FAAH2: variants seen among roughly 807,000 people sequenced by gnomAD.
The protein encoded by FAAH2 is fatty acid amide hydrolase 2, also known as fatty-acid amide hydrolase 2.
FAAH2 carries 60 observed loss-of-function variants against 36.9 expected under a neutral mutation model. That is an observed-to-expected ratio of 1.63 (90% CI 1.32 to 2.02). The LOEUF is 2.02. Among genes scored for constraint, FAAH2 ranks in the 30% most tolerant of loss-of-function variants. The pLI is 0.00. For synonymous variants in FAAH2, 214 were observed against 143.8 expected (o/e 1.49, Z -3.49); for missense variants, 689 against 397.5 (o/e 1.73, Z -6.23).
chrX:57,284,378 C>T (rs2051781492), upstream of FAAH2, among the ~76,000 whole-genome samples: 1 of 96,908 alleles, frequency 1.0e-5, no homozygotes, highest in South Asian at 4.6e-4. Context: ...GAATGAGACA[C>T]CATATCATAA....
intron 7 of FAAH2, among the ~76,000 whole-genome samples, chrX:57,428,146 C>A (rs1338696474): frequency 9.0e-6 from 1 of 111,524 alleles, no homozygotes; most frequent in Non-Finnish European, 1.9e-5. Context: ...TTAGCATTTA[C>A]AATAGCTGTA....
intron 7 of FAAH2, chrX:57,394,330 C>G: frequency 8.9e-7 from 1 of 1,123,422 alleles, no homozygotes; most frequent in Non-Finnish European, 1.2e-6. Context: ...CAGTCACCAC[C>G]TGATATTTCC....
At chrX:57,361,474 T>A (rs2054284221) in intron 5 of FAAH2, among the ~76,000 whole-genome samples, 1 of 111,354 alleles carries the variant, frequency 9.0e-6, no homozygotes, top group Non-Finnish European at 1.9e-5. Flanking sequence ...TGGGTTTTGA[T>A]ATTTTGTATT....
intron 3 of FAAH2, among the ~76,000 whole-genome samples, chrX:57,329,681 C>T (rs968634644): frequency 2.7e-5 from 3 of 109,420 alleles, no homozygotes; most frequent in Admixed American, 9.8e-5. Flanking sequence ...TGGAGGTCAT[C>T]GTGGGCGAGT....
At chrX:57,280,121 T>C in the FAAH2 span, among the ~76,000 whole-genome samples, 1 of 111,965 alleles carries the variant, frequency 8.9e-6, no homozygotes, top group African/African-American at 3.2e-5. Context: ...TATATGTATA[T>C]CTCATATTCA....
chrX:57,298,864 T>A (rs1392646340), intron 2 of FAAH2, among the ~76,000 whole-genome samples: 1 of 105,884 alleles, frequency 9.4e-6, no homozygotes, highest in Non-Finnish European at 1.9e-5. Context: ...AAGAAACGGA[T>A]AAATTCCTCG....
At chrX:57,179,886 T>C in the FAAH2 span, among the ~76,000 whole-genome samples, 24 of 111,418 alleles carry the variant, frequency 2.2e-4, no homozygotes, top group Non-Finnish European at 3.4e-4. Flanking sequence ...AAAAAGCAAA[T>C]GTAAAAGAAC....
chrX:57,469,937 T>A (rs1354442805), intron 10 of FAAH2, among the ~76,000 whole-genome samples: 1 of 111,778 alleles, frequency 8.9e-6, no homozygotes, highest in Non-Finnish European at 1.9e-5. Context: ...AACTCAGGAT[T>A]AATAAACTCA....
intron 10 of FAAH2, among the ~76,000 whole-genome samples, chrX:57,469,241 C>T (rs1315045731): frequency 1.8e-5 from 2 of 111,992 alleles, no homozygotes; most frequent in Non-Finnish European, 3.8e-5. Flanking sequence ...CAAATTCACA[C>T]ATACCAATAT....
At chrX:57,214,536 C>T in the FAAH2 span, among the ~76,000 whole-genome samples, 1 of 111,352 alleles carries the variant, frequency 9.0e-6, no homozygotes, top group East Asian at 2.8e-4. Flanking sequence ...AAGCGATTAT[C>T]CTGCCTCAGC....
At chrX:57,149,365 C>T in the FAAH2 span, among the ~76,000 whole-genome samples, 2 of 111,553 alleles carry the variant, frequency 1.8e-5, no homozygotes, top group African/African-American at 3.3e-5. Flanking sequence ...TGGTAGAATT[C>T]GGCTGTGAAT....
At chrX:57,430,917 A>G (rs766378428) in intron 7 of FAAH2, among the ~76,000 whole-genome samples, 1 of 112,165 alleles carries the variant, frequency 8.9e-6, no homozygotes, top group Non-Finnish European at 1.9e-5. Context: ...AAGATCTTAA[A>G]TGATAAATGT....
intron 4 of FAAH2, among the ~76,000 whole-genome samples, chrX:57,334,994 G>A (rs1200413356): frequency 9.0e-6 from 1 of 111,705 alleles, no homozygotes; most frequent in East Asian, 2.8e-4. Flanking sequence ...TCTGGATCAA[G>A]TGGACCTAAT....
chrX:57,309,142 G>A (rs1037763809), intron 2 of FAAH2, among the ~76,000 whole-genome samples: 6 of 111,747 alleles, frequency 5.4e-5, no homozygotes, highest in Non-Finnish European at 9.4e-5. Flanking sequence ...AATCACACTG[G>A]AATTGCATAC....
the FAAH2 span, among the ~76,000 whole-genome samples, chrX:57,185,488 CTGTGTG>C: frequency 6.2e-3 from 581 of 93,972 alleles, 4 homozygotes; most frequent in African/African-American, 0.015. Context: ...CTCTCTGTCT[CTGTGTG>C]TGTGTGTGTG....
intron 5 of FAAH2, among the ~76,000 whole-genome samples, chrX:57,361,733 AATG>A (rs751196120): frequency 1.1e-4 from 12 of 111,572 alleles, no homozygotes; most frequent in Admixed American, 2.9e-4. Flanking sequence ...ATGTCCATGA[AATG>A]ATGAGAAGGT....
chrX:57,482,008 G>A (rs1163209834), intron 10 of FAAH2, among the ~76,000 whole-genome samples: 1 of 111,594 alleles, frequency 9.0e-6, no homozygotes, highest in African/African-American at 3.3e-5. Context: ...GCTGTGCCCA[G>A]CCCAGACCTC....
At chrX:57,255,791 A>T in the FAAH2 span, among the ~76,000 whole-genome samples, 3 of 111,656 alleles carry the variant, frequency 2.7e-5, no homozygotes, top group African/African-American at 9.8e-5. Context: ...TAATAAGAAC[A>T]ATATATGACA....
chrX:57,484,476 T>C (rs2057438428), intron 10 of FAAH2, among the ~76,000 whole-genome samples: 1 of 111,537 alleles, frequency 9.0e-6, no homozygotes, highest in African/African-American at 3.3e-5. Context: ...TTCACGCCCT[T>C]GTTGTAGGGC....
Sources: allele counts gnomAD v4.1 joint callset (sites outside exome capture counted in the v4.1 genomes callset), GRCh38; gene constraint gnomAD v4.1.1; transcripts MANE v1.5; gene names NCBI Gene and HGNC (gene_info 2026-07-23, HGNC 2026-07-21).